The following SYT1 variants were observed in gnomAD, a reference collection of about 807,000 sequenced individuals.
SYT1 encodes the protein synaptotagmin 1, also known as synaptotagmin-1.
Under a neutral mutation model 44.8 loss-of-function variants are expected in SYT1, and 8 were observed. The ratio of observed to expected loss-of-function variants is 0.18; its 90% CI spans 0.10 to 0.32. The LOEUF is 0.32. Among genes scored for constraint, SYT1 ranks in the 10% least tolerant of loss-of-function variants. The probability of loss-of-function intolerance (pLI) is 1.00; values close to 1 mark genes in which losing one functional copy is unlikely to be tolerated. For missense variants in SYT1, 286 were observed against 509.3 expected (o/e 0.56, Z 4.22); for synonymous variants, 154 against 188.8 (o/e 0.82, Z 1.51).
intron 3 of SYT1, among the ~76,000 whole-genome samples, chr12:79,105,652 A>G (rs1000238617): frequency 9.2e-5 from 14 of 152,278 alleles, no homozygotes; most frequent in African/African-American, 3.1e-4. Flanking sequence ...AGGCCGAGGC[A>G]GACAGATCAG....
At chr12:79,269,389 A>G (rs905081234) in intron 4 of SYT1, among the ~76,000 whole-genome samples, 1 of 151,720 alleles carries the variant, frequency 6.6e-6, no homozygotes, top group East Asian at 1.9e-4. Flanking sequence ...ATTTTCTGGG[A>G]GTTAGTCTTT....
At chr12:79,263,940 G>A (rs1323605622) in intron 4 of SYT1, among the ~76,000 whole-genome samples, 3 of 151,584 alleles carry the variant, frequency 2.0e-5, no homozygotes, top group Non-Finnish European at 4.4e-5. Flanking sequence ...TATGTACACA[G>A]TAAAGGACTA....
At position 79,268,221 on chromosome 12, in the gene SYT1, T is replaced by C. The variant is rs139383286; in HGVS notation, c.167-17566T>C. Among the ~76,000 whole-genome samples, 10 of 152,282 alleles carry C rather than the reference T, an allele frequency of 6.6e-5. No homozygotes were observed. The East Asian group carries it at 1.9e-3, about 29-fold the overall frequency. On this transcript the variant is annotated intron_variant, in intron 4 of 10. Coordinates refer to ENST00000261205, the MANE Select transcript of SYT1 (RefSeq NM_005639.3). ...TATACTTTACTAAAGTTTTGATGTA[T>C]TGACAGTTGAGTTTATGGGCAAAGA...
chr12:79,406,793 A>G (rs1885258244), intron 9 of SYT1, among the ~76,000 whole-genome samples: 1 of 152,162 alleles, frequency 6.6e-6, no homozygotes, highest in Admixed American at 6.6e-5. Flanking sequence ...ACCTCACAGA[A>G]TTGTAGTGAG....
chr12:79,116,084 C>G (rs1879261983), intron 3 of SYT1, among the ~76,000 whole-genome samples: 1 of 152,150 alleles, frequency 6.6e-6, no homozygotes, highest in East Asian at 1.9e-4. Context: ...CATTTGTCTT[C>G]TCTAAATTTC....
rs1869656670 is a variant in SYT1, at chr12:78,986,594, AT to A, written c.-84+8666del. On this transcript the variant is annotated intron_variant, in intron 2 of 10. Coordinates refer to ENST00000261205, the MANE Select transcript of SYT1 (RefSeq NM_005639.3). ...TCTAATGCTAGCAGTTCTTGTTTAT[AT>A]TTAATGAAAATCGCATTTCTCCTGA... Among the ~76,000 whole-genome samples, 5 of 152,110 alleles carry A rather than the reference AT, an allele frequency of 3.3e-5. No individual in the cohort carries two copies. The South Asian group carries it at 1.0e-3, about 32-fold the overall frequency.
At chr12:79,034,675 T>C (rs1346385886) in intron 2 of SYT1, among the ~76,000 whole-genome samples, 1 of 151,734 alleles carries the variant, frequency 6.6e-6, no homozygotes, top group Non-Finnish European at 1.5e-5. Context: ...TTTTTTAAAC[T>C]ATGCTGCTTC....
At chr12:79,258,025 A>G (rs1320489373) in intron 4 of SYT1, among the ~76,000 whole-genome samples, 5 of 152,230 alleles carry the variant, frequency 3.3e-5, no homozygotes, top group Non-Finnish European at 7.3e-5. Context: ...TACTAAAAGA[A>G]GAAAAAAAAT....
intron 4 of SYT1, among the ~76,000 whole-genome samples, chr12:79,264,157 A>C (rs780399617): frequency 2.0e-5 from 3 of 151,510 alleles, no homozygotes; most frequent in Non-Finnish European, 4.4e-5. Context: ...GATAATATTG[A>C]CTGCATGAAA....
intron 6 of SYT1, among the ~76,000 whole-genome samples, chr12:79,295,193 C>T (rs971248201): frequency 3.3e-5 from 5 of 152,252 alleles, no homozygotes; most frequent in Admixed American, 6.5e-5. Flanking sequence ...GGATCTAAAT[C>T]AGTCTGTTGA....
chr12:79,191,692 AG>A (rs1255061715), intron 3 of SYT1, among the ~76,000 whole-genome samples: 1 of 152,110 alleles, frequency 6.6e-6, no homozygotes, highest in Non-Finnish European at 1.5e-5. Context: ...ATGCATGGTT[AG>A]TTGTTTCTTT....
At chr12:79,021,973 T>C (rs891750418) in intron 2 of SYT1, among the ~76,000 whole-genome samples, 1 of 151,784 alleles carries the variant, frequency 6.6e-6, no homozygotes, top group African/African-American at 2.4e-5. Flanking sequence ...TATAAAAATT[T>C]CTGATTTACT....
chr12:79,379,779 C>T (rs76988489), intron 9 of SYT1, among the ~76,000 whole-genome samples: 71 of 152,250 alleles, frequency 4.7e-4, no homozygotes, highest in African/African-American at 1.6e-3. Context: ...TAAGGGAATT[C>T]ATTACCCAAA....
At chr12:79,271,011 A>T (rs144667507) in intron 4 of SYT1, among the ~76,000 whole-genome samples, 2 of 152,220 alleles carry the variant, frequency 1.3e-5, no homozygotes, top group East Asian at 1.9e-4. Flanking sequence ...CTCCTCCCCA[A>T]TTGTTCATTC....
At chr12:79,209,017 A>C (rs999561641) in intron 3 of SYT1, among the ~76,000 whole-genome samples, 2 of 152,170 alleles carry the variant, frequency 1.3e-5, no homozygotes, top group African/African-American at 4.8e-5. Context: ...TGGGTGTTTT[A>C]GGTTAGCCAA....
chr12:79,178,960 A>ATCTATATC (rs1491184197), intron 3 of SYT1, among the ~76,000 whole-genome samples: 1 of 74,350 alleles, frequency 1.3e-5, no homozygotes, highest in Non-Finnish European at 2.5e-5. Flanking sequence ...ATATAGATAT[A>ATCTATATC]GATATAGATA....
intron 3 of SYT1, among the ~76,000 whole-genome samples, chr12:79,163,502 A>G (rs1871072021): frequency 6.6e-6 from 1 of 152,080 alleles, no homozygotes; most frequent in South Asian, 2.1e-4. Context: ...GTCGTCTCCT[A>G]TATTCCTTGA....
Position 79,286,304 on chromosome 12 carries a change from A to G in SYT1, c.351+333A>G, listed in dbSNP as rs1304244740. Among the ~76,000 whole-genome samples the G allele has an allele frequency of 3.9e-5, 6 of 152,210 alleles. 1 individual carries two copies. In the South Asian group the frequency reaches 1.2e-3, roughly 32 times the overall value. On this transcript the variant is annotated intron_variant, in intron 5 of 10. Transcript: ENST00000261205. ...GCGTTTAGAGTTAGAAAAATCAGAT[A>G]AAAAGTGCCTGAGTGTTTTGCATTT...
intron 4 of SYT1, among the ~76,000 whole-genome samples, chr12:79,259,010 A>C (rs1325348335): frequency 1.3e-5 from 2 of 152,196 alleles, no homozygotes; most frequent in Non-Finnish European, 2.9e-5. Flanking sequence ...AATTATGAGA[A>C]ATTTGGACAG....
Sources: allele counts gnomAD v4.1 joint callset (sites outside exome capture counted in the v4.1 genomes callset), GRCh38; gene constraint gnomAD v4.1.1; transcripts MANE v1.5; gene names NCBI Gene and HGNC (gene_info 2026-07-23, HGNC 2026-07-21).